Variants in ACSBG2 observed in about 807,000 individuals in gnomAD.
The protein encoded by ACSBG2 is long-chain-fatty-acid--CoA ligase ACSBG2.
Under a neutral mutation model 74.7 loss-of-function variants are expected in ACSBG2, and 62 were observed. The ratio of observed to expected loss-of-function variants is 0.83; its 90% CI spans 0.68 to 1.03. The LOEUF (loss-of-function observed/expected upper bound fraction) is 1.03. ACSBG2 is among the 50% of genes least tolerant of loss of function. ACSBG2 has a pLI of 0.00. For missense variants in ACSBG2, 730 were observed against 817.6 expected (o/e 0.89, Z 1.31); for synonymous variants, 309 against 294.1 (o/e 1.05, Z -0.52).
chr19:6,156,705 G>T (rs185268255), intron 5 of ACSBG2, among the ~76,000 whole-genome samples, 154 bp downstream of exon 5: 1 of 152,116 alleles, frequency 6.6e-6, no homozygotes, highest in Non-Finnish European at 1.5e-5. Context: ...TATATGTGGT[G>T]AAGCTATTTT....
At chr19:6,154,012 C>T (rs1485896313) in intron 4 of ACSBG2, among the ~76,000 whole-genome samples, 1 of 151,902 alleles carries the variant, frequency 6.6e-6, no homozygotes, top group African/African-American at 2.4e-5. Flanking sequence ...TTAGTTATAT[C>T]TCATCATCGA....
chr19:6,186,441 T>C (rs1290539503), intron 11 of ACSBG2, among the ~76,000 whole-genome samples: 3 of 152,222 alleles, frequency 2.0e-5, no homozygotes, highest in Non-Finnish European at 4.4e-5. Flanking sequence ...TTATACAAAA[T>C]TGAATAGTGG....
intron 14 of ACSBG2, chr19:6,191,917 G>A (rs1012378578): frequency 1.3e-5 from 2 of 151,836 alleles, no homozygotes; most frequent in Non-Finnish European, 2.9e-5. Flanking sequence ...CTTTCCAGTT[G>A]AATGAGAAAC....
chr19:6,158,770 G>A (rs577727635), intron 5 of ACSBG2, among the ~76,000 whole-genome samples: 7 of 152,094 alleles, frequency 4.6e-5, no homozygotes, highest in South Asian at 4.2e-4. Flanking sequence ...TATTCTCTCC[G>A]AAATTTGGGT....
At chr19:6,144,916 G>A (rs549177847) in intron 2 of ACSBG2, among the ~76,000 whole-genome samples, 41 of 152,038 alleles carry the variant, frequency 2.7e-4, no homozygotes, top group African/African-American at 8.9e-4. Context: ...GGCTGGTCTC[G>A]AACTCCTGAC....
chr19:6,150,499 A>C (rs2089199789), intron 3 of ACSBG2, among the ~76,000 whole-genome samples: 1 of 152,206 alleles, frequency 6.6e-6, no homozygotes, highest in Admixed American at 6.5e-5. Flanking sequence ...ATACAAGGGA[A>C]TATGATTCAG....
At chr19:6,186,196 A>AG (rs1363888240) in intron 11 of ACSBG2, among the ~76,000 whole-genome samples, 1 of 152,174 alleles carries the variant, frequency 6.6e-6, no homozygotes, top group East Asian at 1.9e-4. Context: ...AACAAGGATA[A>AG]GCCAACTTTT....
chr19:6,186,378 C>A (rs774444711), intron 11 of ACSBG2, among the ~76,000 whole-genome samples: 7 of 152,136 alleles, frequency 4.6e-5, no homozygotes, highest in Non-Finnish European at 1.0e-4. Flanking sequence ...AAAAAAAATT[C>A]TTCTTTTGAC....
chr19:6,173,719 T>G (rs960603900), intron 7 of ACSBG2, among the ~76,000 whole-genome samples: 8 of 152,178 alleles, frequency 5.3e-5, no homozygotes, highest in African/African-American at 1.7e-4. Flanking sequence ...TCCTGAAAAC[T>G]GACATCTGAT....
chr19:6,187,932 T>C, intron 13 of ACSBG2, 87 bp downstream of exon 13: 1 of 1,545,978 alleles, frequency 6.5e-7, no homozygotes, highest in Admixed American at 1.9e-5. Context: ...TTTCTGAAGG[T>C]CAGAGGGTCT....
intron 10 of ACSBG2, among the ~76,000 whole-genome samples, chr19:6,184,859 A>G (rs1339987252): frequency 9.7e-5 from 14 of 143,998 alleles, no homozygotes; most frequent in African/African-American, 3.7e-4. Context: ...AAAAAAAAAA[A>G]AAAAAAAAAA....
At chr19:6,161,767 CT>C (rs769292069) in intron 6 of ACSBG2, among the ~76,000 whole-genome samples, 7 of 151,976 alleles carry the variant, frequency 4.6e-5, no homozygotes, top group Non-Finnish European at 1.0e-4. Context: ...TAGGCGGGAC[CT>C]TTGGGACGCA....
chr19:6,184,832 GAAAAAA>G (rs371866289), intron 10 of ACSBG2, among the ~76,000 whole-genome samples: 15 of 13,512 alleles, frequency 1.1e-3, no homozygotes, highest in African/African-American at 1.7e-3. Flanking sequence ...ATGTGGAGAT[GAAAAAA>G]AAAAAAAAAA....
At chr19:6,137,762 C>T (rs920177698) in intron 1 of ACSBG2, among the ~76,000 whole-genome samples, 10 of 152,066 alleles carry the variant, frequency 6.6e-5, no homozygotes, top group Non-Finnish European at 1.3e-4. Context: ...ATTCTCCCAC[C>T]TCAACCTCCT....
intron 11 of ACSBG2, among the ~76,000 whole-genome samples, chr19:6,186,408 T>C (rs1212056428): frequency 6.6e-6 from 1 of 152,258 alleles, no homozygotes; most frequent in Non-Finnish European, 1.5e-5. Context: ...CTTAAAAATG[T>C]AAAATTCATT....
Position 6,185,603 on chromosome 19 carries a change from T to G in ACSBG2, c.1490T>G (p.Leu497Arg), listed in dbSNP as rs2090383575. The change falls in exon 11 of 15, where the codon CTG becomes CGG. Residue 497 changes from leucine to arginine, a missense_variant. By Grantham distance (102) the Leu-to-Arg change is moderately radical. Coordinates refer to ENST00000588485, the MANE Select transcript of ACSBG2 (RefSeq NM_030924.5). ...GAAGGCTGGCTACACTCTGGGGATC[T>G]GGGCCAGCTGGACGGTCTGGGTTTC... Reference protein sequence around the residue: ...DDEGWLHSGDLGQLDGLGFLY... With the variant: ...DDEGWLHSGDRGQLDGLGFLY... 6.2e-7 allele frequency: 1 copy of G among 1,614,060 alleles called. No homozygotes were observed. Among genetic ancestry groups the G allele is most frequent in the Non-Finnish European group, 8.5e-7 (1 of 1,180,020 alleles).
intron 12 of ACSBG2, 86 bp from the exon 13 acceptor site, chr19:6,187,513 G>A (rs1382924716): frequency 3.1e-6 from 5 of 1,602,254 alleles, no homozygotes; most frequent in African/African-American, 2.7e-5. Context: ...TGCATCTGTG[G>A]GTTCAAGACC....
At chr19:6,187,996 C>G in intron 13 of ACSBG2, 151 bp downstream of exon 13, 4 of 1,135,110 alleles carry the variant, frequency 3.5e-6, no homozygotes, top group Non-Finnish European at 3.8e-6. Flanking sequence ...GCTAACTGGT[C>G]CCCAGCTCCT....
chr19:6,186,238 G>A (rs1477768617), intron 11 of ACSBG2, among the ~76,000 whole-genome samples: 2 of 151,984 alleles, frequency 1.3e-5, no homozygotes, highest in Non-Finnish European at 2.9e-5. Context: ...AATATTTTTG[G>A]GTTCACAAAA....
Sources: allele counts gnomAD v4.1 joint callset (sites outside exome capture counted in the v4.1 genomes callset), GRCh38; gene constraint gnomAD v4.1.1; transcripts MANE v1.5; gene names NCBI Gene and HGNC (gene_info 2026-07-23, HGNC 2026-07-21).